Variants in NAV2 observed in about 807,000 individuals in gnomAD.
NAV2 encodes the protein helicase, APC down-regulated 1.
Under a neutral mutation model 223.2 loss-of-function variants are expected in NAV2, and 54 were observed. The ratio of observed to expected loss-of-function variants is 0.24; its 90% CI spans 0.19 to 0.30. The LOEUF is 0.30. Ranked by LOEUF, NAV2 falls within the 10% of genes least tolerant of loss-of-function variation. NAV2 has a pLI of 1.00. For missense variants in NAV2, 2,806 were observed against 3,147.5 expected (o/e 0.89, Z 2.60); for synonymous variants, 1,279 against 1,239.3 (o/e 1.03, Z -0.67).
At chr11:19,617,579 G>A (rs1427992910) in intron 1 of NAV2, among the ~76,000 whole-genome samples, 1 of 152,232 alleles carries the variant, frequency 6.6e-6, no homozygotes, top group African/African-American at 2.4e-5. Flanking sequence ...TTTCCAGGCA[G>A]TAAGTGCTAT....
At chr11:19,975,306 G>T (rs1467909640) in intron 10 of NAV2, among the ~76,000 whole-genome samples, 1 of 152,186 alleles carries the variant, frequency 6.6e-6, no homozygotes, top group African/African-American at 2.4e-5. Context: ...CGTAGCCATG[G>T]ATTATAATTA....
intron 10 of NAV2, among the ~76,000 whole-genome samples, chr11:19,964,268 A>G (rs993724275): frequency 2.6e-5 from 4 of 152,074 alleles, no homozygotes; most frequent in African/African-American, 9.7e-5. Flanking sequence ...AGTTGACTAA[A>G]CCATGCACCA....
In NAV2 at chr11:20,027,317, C is replaced by T. The variant is rs1208742605; in HGVS notation, c.2769-8642C>T. The T allele has an allele frequency of 2.7e-5, 27 of 985,350 alleles. No homozygotes were observed. The Admixed American group carries it at 1.0e-3, about 38-fold the overall frequency. 61.0% of individuals were successfully genotyped at this position (985,350 alleles called of 1,614,324 possible). A position where few individuals can be genotyped will look rare whatever the true frequency, so the allele number is the denominator to read the frequency against. On this transcript the variant is annotated intron_variant, in intron 11 of 37. Coordinates refer to ENST00000349880, the MANE Select transcript of NAV2 (RefSeq NM_145117.5). ...GTTCCGCTCGGGCCCCGGGGTTTCA[C>T]GGGAACAATTGCCTTGAACAATAGC...
chr11:19,656,477 C>G (rs1293826526), intron 1 of NAV2, among the ~76,000 whole-genome samples: 1 of 152,194 alleles, frequency 6.6e-6, no homozygotes, highest in African/African-American at 2.4e-5. Context: ...GAGGCACAGA[C>G]AGGAGACTGG....
intron 1 of NAV2, among the ~76,000 whole-genome samples, chr11:19,491,223 G>A (rs2042615707): frequency 6.6e-6 from 1 of 152,136 alleles, no homozygotes; most frequent in Non-Finnish European, 1.5e-5. Flanking sequence ...CCAGCTATAT[G>A]AACTCTTCAC....
chr11:19,607,470 T>G (rs1278438211), intron 1 of NAV2, among the ~76,000 whole-genome samples: 1 of 152,222 alleles, frequency 6.6e-6, no homozygotes, highest in African/African-American at 2.4e-5. Context: ...CATCTGAGGT[T>G]GCAGCTGGAA....
intron 1 of NAV2, among the ~76,000 whole-genome samples, chr11:19,606,854 C>T (rs1429388913): frequency 6.6e-6 from 1 of 152,194 alleles, no homozygotes; most frequent in Non-Finnish European, 1.5e-5. Context: ...GGCAGGCCAC[C>T]AGCATGGCCT....
At chr11:19,887,143 C>T (rs1309030113) in intron 5 of NAV2, among the ~76,000 whole-genome samples, 1 of 152,140 alleles carries the variant, frequency 6.6e-6, no homozygotes, top group Non-Finnish European at 1.5e-5. Context: ...AAATAGGTCT[C>T]CTGTTGGAGA....
At position 20,093,094 on chromosome 11, in the gene NAV2, C is replaced by T. The variant is rs368156987; in HGVS notation, c.5816-5C>T. On this transcript the variant is annotated splice_region_variant and splice_polypyrimidine_tract_variant and intron_variant, in intron 28 of 37. Coordinates refer to ENST00000349880, the MANE Select transcript of NAV2 (RefSeq NM_145117.5). Reference sequence around the variant, plus strand: ...CCTAAGGCTGTTGATGTTTTCCATTCGCAGACATGTTGCTGGATGACACTG... The same window carrying T: ...CCTAAGGCTGTTGATGTTTTCCATTTGCAGACATGTTGCTGGATGACACTG... The T allele has an allele frequency of 3.0e-5, 48 of 1,607,402 alleles. No homozygotes were observed. The highest frequency in any genetic ancestry group is 9.4e-5 in the African/African-American group (7 of 74,504).
In NAV2 at chr11:19,704,147, G is replaced by A. The variant is rs80265547; in HGVS notation, c.76-128337G>A. ...CCAGATGAACATAGCAGGAAGCCCTGTCTCAGAGCACGAACATCACGCAAA... is the reference window on the plus strand; with the variant it reads ...CCAGATGAACATAGCAGGAAGCCCTATCTCAGAGCACGAACATCACGCAAA... On this transcript the variant is annotated intron_variant, in intron 1 of 37. Transcript: ENST00000360655. Among the ~76,000 whole-genome samples, 1,327 of 152,220 alleles carry A rather than the reference G, an allele frequency of 8.7e-3. 9 individuals are homozygous for A. Among genetic ancestry groups the A allele is most frequent in the African/African-American group, 0.031 (1,276 of 41,506 alleles).
chr11:19,640,766 G>T (rs140755907), intron 1 of NAV2, among the ~76,000 whole-genome samples: 1 of 152,330 alleles, frequency 6.6e-6, no homozygotes, highest in Non-Finnish European at 1.5e-5. Flanking sequence ...GATGATAGCT[G>T]ACTTCTTATC....
At chr11:19,765,080 C>T (rs765922327) in intron 1 of NAV2, among the ~76,000 whole-genome samples, 1 of 152,192 alleles carries the variant, frequency 6.6e-6, no homozygotes, top group Non-Finnish European at 1.5e-5. Context: ...GTCATCTCTC[C>T]ATGGTGTAGC....
intron 1 of NAV2, among the ~76,000 whole-genome samples, chr11:19,581,486 C>T (rs113094328): frequency 1.9e-3 from 285 of 152,244 alleles, no homozygotes; most frequent in African/African-American, 6.4e-3. Flanking sequence ...CGTCATTTAA[C>T]ATTAGGTACA....
chr11:19,985,842 C>T (rs2050750169), intron 11 of NAV2, among the ~76,000 whole-genome samples: 1 of 152,164 alleles, frequency 6.6e-6, no homozygotes, highest in South Asian at 2.1e-4. Context: ...TCCCAAAGTG[C>T]TGGGATTACA....
chr11:20,108,729 G>T (rs1273439709), intron 36 of NAV2, among the ~76,000 whole-genome samples: 3 of 151,912 alleles, frequency 2.0e-5, no homozygotes, highest in African/African-American at 7.3e-5. Context: ...TGGGATTACA[G>T]GCATGAGCCA....
exon 1 of NAV2, chr11:19,350,812 C>A: frequency 2.6e-6 from 2 of 776,296 alleles, no homozygotes; most frequent in South Asian, 3.2e-5. Flanking sequence ...ACAGGAAGAC[C>A]TTTGAAGAGG....
chr11:19,544,152 T>A (rs765655067), intron 1 of NAV2, among the ~76,000 whole-genome samples: 2 of 152,236 alleles, frequency 1.3e-5, no homozygotes, highest in African/African-American at 2.4e-5. Context: ...AGTGTATGAA[T>A]GAATATTTCT....
At chr11:19,628,354 C>T (rs2047234034) in intron 1 of NAV2, among the ~76,000 whole-genome samples, 2 of 152,210 alleles carry the variant, frequency 1.3e-5, no homozygotes, top group African/African-American at 4.8e-5. Flanking sequence ...CAGAGCCAAG[C>T]GTAGTGCAGG....
At chr11:19,830,413 C>G (rs2059867936) in intron 1 of NAV2, among the ~76,000 whole-genome samples, 1 of 152,152 alleles carries the variant, frequency 6.6e-6, no homozygotes, top group South Asian at 2.1e-4. Context: ...GGGCTCAAAT[C>G]CTGGCTCTGC....
Sources: gnomAD v4.1 joint callset for allele counts (sites outside exome capture counted in the v4.1 genomes callset) on GRCh38, gnomAD v4.1.1 for gene constraint, MANE v1.5 for transcripts, NCBI Gene and HGNC (gene_info 2026-07-23, HGNC 2026-07-21) for gene names.